The following HAUS6 variants were observed in gnomAD, a reference collection of about 807,000 sequenced individuals.
HAUS6 encodes HAUS augmin-like complex subunit 6.
In HAUS6, 80 loss-of-function variants were observed where a neutral mutation model predicts 106.8. That is an observed-to-expected ratio of 0.75 (90% CI 0.63 to 0.90). The LOEUF (loss-of-function observed/expected upper bound fraction) is 0.90, where lower values mean the gene tolerates loss of function less well. Ranked by LOEUF, HAUS6 falls within the 40% of genes least tolerant of loss-of-function variation. HAUS6 has a pLI of 0.00. For missense variants in HAUS6, 1,155 were observed against 1,118.1 expected, an observed-to-expected ratio of 1.03 and a Z score of -0.47; for synonymous variants, 356 against 379.1, an observed-to-expected ratio of 0.94 and a Z score of 0.71.
intron 9 of HAUS6, among the ~76,000 whole-genome samples, chr9:19,079,014 A>G (rs1284401949): frequency 6.7e-6 from 1 of 149,964 alleles, no homozygotes; most frequent in Non-Finnish European, 1.5e-5. Context: ...ATAATACAAA[A>G]TTGGCTGGAC....
rs148400958 is a variant in HAUS6 at position 19,087,511 on chromosome 9, A to G, written c.585-355T>C. The stretch of plus-strand genomic sequence containing the variant: ...AAGGATTCTATAGCTTTAGTAATAT[A>G]TAACAAAGCATTCTACAAAGTTATC... On this transcript the variant is annotated intron_variant, in intron 5 of 16. Coordinates refer to ENST00000380502, the MANE Select transcript of HAUS6 (RefSeq NM_017645.5). Among the ~76,000 whole-genome samples, 5 of 152,360 alleles carry G rather than the reference A, an allele frequency of 3.3e-5. No individual in the cohort carries two copies. The East Asian group carries it at 7.7e-4, about 23-fold the overall frequency.
At chr9:19,064,729 T>C (rs899872527) in intron 12 of HAUS6, among the ~76,000 whole-genome samples, 1 of 152,216 alleles carries the variant, frequency 6.6e-6, no homozygotes, top group Non-Finnish European at 1.5e-5. Flanking sequence ...CTTTTTCAAA[T>C]ATGCACTCTT....
chr9:19,065,436 T>C (rs1836739990), intron 12 of HAUS6, among the ~76,000 whole-genome samples: 1 of 152,218 alleles, frequency 6.6e-6, no homozygotes, highest in Admixed American at 6.5e-5. Flanking sequence ...AATTCAAGTC[T>C]ACAAATAAAT....
chr9:19,086,889 C>T (rs1228193758), intron 6 of HAUS6, 107 bp from the exon 7 acceptor site: 1 of 640,616 alleles, frequency 1.6e-6, no homozygotes, highest in African/African-American at 1.9e-5. Context: ...ACCACCCCAA[C>T]AAAAAATAAA....
At chr9:19,101,234 A>C (rs1446710780) in intron 1 of HAUS6, among the ~76,000 whole-genome samples, 1 of 152,230 alleles carries the variant, frequency 6.6e-6, no homozygotes, top group African/African-American at 2.4e-5. Flanking sequence ...AACATAAATA[A>C]AACAGGCCAG....
Position 19,096,458 on chromosome 9 carries a change from A to G in HAUS6, c.224+216T>C, listed in dbSNP as rs1432063649. Among the ~76,000 whole-genome samples, 3 of 150,644 alleles carry G rather than the reference A, an allele frequency of 2.0e-5. No individual in the cohort carries two copies. In the East Asian group the frequency reaches 5.9e-4, roughly 30 times the overall value. ...CAGTCACCTATAATCCCAGCTACTC[A>G]GGATGCTGAGACAGGAGAATTTCTT... is the stretch of plus-strand genomic sequence containing the variant. On this transcript the variant is annotated intron_variant, in intron 2 of 16. Transcript: ENST00000380502.
At chr9:19,100,160 C>G (rs1156473922) in intron 1 of HAUS6, among the ~76,000 whole-genome samples, 1 of 152,140 alleles carries the variant, frequency 6.6e-6, no homozygotes, top group Non-Finnish European at 1.5e-5. Context: ...CACCACTGCA[C>G]TCCCGCCTGG....
intron 11 of HAUS6, among the ~76,000 whole-genome samples, chr9:19,074,696 C>G (rs1200334091): frequency 2.0e-5 from 3 of 152,148 alleles, no homozygotes; most frequent in Non-Finnish European, 4.4e-5. Context: ...AATTACCTAT[C>G]CCAGTGATTA....
chr9:19,097,566 G>C (rs1370155827), intron 1 of HAUS6, among the ~76,000 whole-genome samples: 1 of 152,162 alleles, frequency 6.6e-6, no homozygotes, highest in Admixed American at 6.6e-5. Context: ...TCTCACACCA[G>C]TTAGAATGGG....
chr9:19,063,133 A>T lies in HAUS6; in HGVS notation c.1504T>A (p.Phe502Ile). 1 of 1,605,530 alleles carries T rather than the reference A, an allele frequency of 6.2e-7. No individual in the cohort carries two copies. Reference sequence around the variant, plus strand: ...GATAATGGAGAATTTTCCACTTCAAATTCTGGTATTTTCTTAGAAATTGCT... The same window carrying T: ...GATAATGGAGAATTTTCCACTTCAATTTCTGGTATTTTCTTAGAAATTGCT... ...NEAISKKIPE[F>I]EVENSPLSDV... Residue 502 changes from phenylalanine to isoleucine, a missense_variant, in exon 14 of 17, where the codon TTT (phenylalanine) becomes ATT (isoleucine). This residue lies in a region of HAUS6 where 761 missense variants were observed against 690.0 expected (regional missense o/e 1.10). Transcript: ENST00000380502.
rs370743421 is a variant in HAUS6, at chr9:19,096,564, CAAAAAAAAAAAAA to C, written c.224+97_224+109del. 2.1e-3 allele frequency: 554 copies of C among 269,446 alleles called. 3 individuals carry two copies. The African/African-American group carries it at 0.025, about 12-fold the overall frequency. The allele number at this position is 269,446 out of a possible 1,614,324, so 16.7% of individuals were successfully genotyped here. On this transcript the variant is annotated intron_variant, in intron 2 of 16. Transcript: ENST00000380502. ...TCGATGACGGAGTGAGACTCCGTCT[CAAAAAAAAAAAAA>C]AAAAAAAAAAAAGGAGAGAATTCTG...
chr9:19,064,783 A>C (rs2131106165), intron 12 of HAUS6, among the ~76,000 whole-genome samples: 1 of 152,356 alleles, frequency 6.6e-6, no homozygotes, highest in South Asian at 2.1e-4. Flanking sequence ...AATCACTGCA[A>C]TCACTCAAGC....
At chr9:19,067,174 C>T (rs1267221108) in intron 12 of HAUS6, among the ~76,000 whole-genome samples, 2 of 152,188 alleles carry the variant, frequency 1.3e-5, no homozygotes, top group East Asian at 3.9e-4. Flanking sequence ...TATGAATTTC[C>T]CAGTTAACTA....
intron 4 of HAUS6, among the ~76,000 whole-genome samples, chr9:19,092,785 C>T (rs1176394864): frequency 6.7e-6 from 1 of 150,166 alleles, no homozygotes; most frequent in East Asian, 2.0e-4. Flanking sequence ...ATTAGCCAGT[C>T]ATGGTGGCAG....
rs772650696 is a variant in HAUS6, at chr9:19,094,299, A to G, written c.303+18T>C. The G allele has an allele frequency of 7.5e-6, 11 of 1,460,754 alleles. No homozygotes were observed. The highest frequency in any genetic ancestry group is 3.6e-4 in the Middle Eastern group (2 of 5,498). The allele number at this position is 1,460,754 out of a possible 1,614,324, so 90.5% of individuals were successfully genotyped here. A position where few individuals can be genotyped will look rare whatever the true frequency, so the allele number is the denominator to read the frequency against. On this transcript the variant is annotated intron_variant, in intron 3 of 16. Coordinates refer to ENST00000380502, the MANE Select transcript of HAUS6 (RefSeq NM_017645.5). ...TAACTTCTTAAAGTCTGTATCTTCTAACAAAAAGAATACTTACAGAAATCC... is the reference window on the plus strand; with the variant it reads ...TAACTTCTTAAAGTCTGTATCTTCTGACAAAAAGAATACTTACAGAAATCC...
intron 1 of HAUS6, among the ~76,000 whole-genome samples, chr9:19,098,373 G>A (rs1044074594): frequency 2.6e-5 from 4 of 151,122 alleles, no homozygotes; most frequent in Non-Finnish European, 4.4e-5. Context: ...AGGAGGCAGA[G>A]GTTGCAGTGA....
At chr9:19,074,573 T>C (rs1157933475) in intron 11 of HAUS6, among the ~76,000 whole-genome samples, 2 of 152,080 alleles carry the variant, frequency 1.3e-5, no homozygotes, top group African/African-American at 4.8e-5. Flanking sequence ...TGCCCAGCCC[T>C]ATGCAGACTT....
chr9:19,094,430 A>C (rs759809533), intron 2 of HAUS6, 35 bp from the exon 3 acceptor site: 67 of 1,194,750 alleles, frequency 5.6e-5, no homozygotes, highest in Non-Finnish European at 7.5e-5. Flanking sequence ...AGGACTATGC[A>C]CAACAATAGC....
At chr9:19,076,804 A>G (rs1564013544) in intron 10 of HAUS6, 100 bp from the exon 11 acceptor site, 3 of 641,806 alleles carry the variant, frequency 4.7e-6, no homozygotes. Context: ...TCTCAATAAG[A>G]AAGTCAGAAT....
Sources: gnomAD v4.1 joint callset for allele counts (sites outside exome capture counted in the v4.1 genomes callset) on GRCh38, gnomAD v4.1.1 for gene constraint, gnomAD v4.1.1 regional missense constraint, MANE v1.5 for transcripts, NCBI Gene and HGNC (gene_info 2026-07-23, HGNC 2026-07-21) for gene names.